VAV3: variants seen among roughly 807,000 people sequenced by gnomAD.
VAV3 encodes the protein guanine nucleotide exchange factor VAV3.
A neutral mutation model predicts 131.2 loss-of-function variants in VAV3; 94 were observed. The ratio of observed to expected loss-of-function variants is 0.72; its 90% CI spans 0.61 to 0.85. VAV3 has a LOEUF of 0.85. VAV3 is among the 40% of genes least tolerant of loss of function. The pLI, the probability that VAV3 is intolerant of heterozygous loss-of-function variation, is 0.00. For synonymous variants in VAV3, 349 were observed against 342.0 expected, an observed-to-expected ratio of 1.02 and a Z score of -0.22; for missense variants, 939 against 1,002.7, an observed-to-expected ratio of 0.94 and a Z score of 0.86.
chr1:107,685,758 GATC>G (rs941597492), intron 18 of VAV3: 20 of 152,172 alleles, frequency 1.3e-4, no homozygotes, highest in African/African-American at 4.8e-4. Flanking sequence ...ATGTTCAGCA[GATC>G]ATATTTTGAA....
At chr1:107,754,115 C>A (rs139337396) in intron 12 of VAV3, among the ~76,000 whole-genome samples, 60 of 152,090 alleles carry the variant, frequency 3.9e-4, no homozygotes, top group African/African-American at 1.3e-3. Flanking sequence ...GTAAAGTTTA[C>A]GGGCAGTTAT....
intron 8 of VAV3, among the ~76,000 whole-genome samples, chr1:107,765,417 A>G (rs1664683641): frequency 6.6e-6 from 1 of 152,240 alleles, no homozygotes; most frequent in Non-Finnish European, 1.5e-5. Context: ...TTTTTATAGC[A>G]GGCAGAATTT....
intron 1 of VAV3, among the ~76,000 whole-genome samples, chr1:107,895,140 G>C (rs560971620): frequency 6.6e-6 from 1 of 152,130 alleles, no homozygotes; most frequent in Non-Finnish European, 1.5e-5. Context: ...AAAGAGCTAT[G>C]GGAAGCAGGA....
intron 2 of VAV3, among the ~76,000 whole-genome samples, chr1:107,787,595 G>A (rs933116199): frequency 6.6e-6 from 1 of 152,176 alleles, no homozygotes; most frequent in Non-Finnish European, 1.5e-5. Flanking sequence ...GGGCAAGAAT[G>A]ACCAGTCTCT....
chr1:107,925,887 T>C (rs1434240827), intron 1 of VAV3, among the ~76,000 whole-genome samples: 1 of 99,908 alleles, frequency 1.0e-5, no homozygotes, highest in Non-Finnish European at 2.0e-5. Context: ...CATATAAATA[T>C]ATAACATATA....
intron 2 of VAV3, among the ~76,000 whole-genome samples, chr1:107,845,502 C>T (rs566084688): frequency 3.3e-5 from 5 of 152,024 alleles, no homozygotes; most frequent in African/African-American, 4.8e-5. Context: ...AAAACTCCTG[C>T]GAACTAAAGA....
chr1:107,881,094 G>T (rs1288731661), intron 1 of VAV3, among the ~76,000 whole-genome samples: 1 of 152,084 alleles, frequency 6.6e-6, no homozygotes, highest in Non-Finnish European at 1.5e-5. Context: ...TAACTACTAT[G>T]TTATATTAAC....
intron 2 of VAV3, among the ~76,000 whole-genome samples, chr1:107,835,521 G>A (rs1276469363): frequency 6.6e-6 from 1 of 152,168 alleles, no homozygotes; most frequent in Non-Finnish European, 1.5e-5. Context: ...GCTGGTCTGG[G>A]AACAGTGTGG....
chr1:107,871,684 A>T (rs1291996194), intron 2 of VAV3, among the ~76,000 whole-genome samples: 2 of 152,184 alleles, frequency 1.3e-5, no homozygotes, highest in African/African-American at 4.8e-5. Context: ...ACCATCTCAC[A>T]AAATACAAAT....
intron 2 of VAV3, among the ~76,000 whole-genome samples, chr1:107,800,631 C>T (rs1666784414): frequency 6.6e-6 from 1 of 152,158 alleles, no homozygotes; most frequent in African/African-American, 2.4e-5. Flanking sequence ...GATCCCACCA[C>T]CCAGGTAGTG....
At chr1:107,772,200 A>G (rs1468194775) in intron 5 of VAV3, among the ~76,000 whole-genome samples, 1 of 152,252 alleles carries the variant, frequency 6.6e-6, no homozygotes, top group Non-Finnish European at 1.5e-5. Context: ...TTAATAGCAG[A>G]TAAGGTTTTG....
intron 2 of VAV3, among the ~76,000 whole-genome samples, chr1:107,853,606 G>A (rs1266807447): frequency 6.6e-6 from 1 of 151,514 alleles, no homozygotes; most frequent in Non-Finnish European, 1.5e-5. Flanking sequence ...TTATAGTGCT[G>A]CAAGTTCTTT....
At chr1:107,617,922 A>C (rs1021834655) in intron 20 of VAV3, among the ~76,000 whole-genome samples, 4 of 152,138 alleles carry the variant, frequency 2.6e-5, no homozygotes, top group Non-Finnish European at 5.9e-5. Context: ...ATCCTATAGC[A>C]CAGTGGACAC....
rs1553224090 is a variant in VAV3 at position 107,874,947 on chromosome 1, T to C, written c.275A>G (p.Glu92Gly). The C allele has an allele frequency of 1.9e-6, 3 of 1,613,424 alleles. No individual in the cohort carries two copies. The highest frequency in any genetic ancestry group is 1.1e-5 in the South Asian group (1 of 91,074). ...CCETFGMRKSELFEAFDLFDV... is the reference protein window; with the variant it reads ...CCETFGMRKSGLFEAFDLFDV... ...AAACAAGTCAAATGCCTCGAAAAGT[T>C]CACTTTTCCTCATTCCAAACGTCTC... Residue 92 changes from glutamate to glycine, a missense_variant, in exon 2 of 27, where the codon GAA becomes GGA. Coordinates refer to ENST00000370056, the MANE Select transcript of VAV3 (RefSeq NM_006113.5).
chr1:107,682,283 A>T (rs1361333986), intron 19 of VAV3, among the ~76,000 whole-genome samples: 1 of 152,222 alleles, frequency 6.6e-6, no homozygotes, highest in Admixed American at 6.6e-5. Context: ...GAAAAAATAC[A>T]TTAAAAAAAT....
At chr1:107,695,260 G>A (rs999420916) in intron 17 of VAV3, among the ~76,000 whole-genome samples, 2 of 152,142 alleles carry the variant, frequency 1.3e-5, no homozygotes, top group African/African-American at 4.8e-5. Context: ...GTAAAGTACA[G>A]TATGTGAAAG....
intron 20 of VAV3, among the ~76,000 whole-genome samples, chr1:107,623,483 T>C (rs1392651797): frequency 6.6e-6 from 1 of 152,232 alleles, no homozygotes; most frequent in Non-Finnish European, 1.5e-5. Flanking sequence ...GTAAACTTGC[T>C]AAGCCGCAAG....
intron 24 of VAV3, 104 bp downstream of exon 24, chr1:107,602,293 A>G: frequency 1.3e-6 from 1 of 745,678 alleles, no homozygotes; most frequent in Non-Finnish European, 2.0e-6. Context: ...TCTTTAAATA[A>G]CTTTTCAGTG....
At chr1:107,705,354 GAAAAAAA>G (rs376720993) in intron 15 of VAV3, among the ~76,000 whole-genome samples, 1 of 129,438 alleles carries the variant, frequency 7.7e-6, no homozygotes, top group Non-Finnish European at 1.6e-5. Flanking sequence ...AACCTGCCTG[GAAAAAAA>G]AAAAAAAAAA....
Sources: allele counts gnomAD v4.1 joint callset (sites outside exome capture counted in the v4.1 genomes callset), GRCh38; gene constraint gnomAD v4.1.1; transcripts MANE v1.5; gene names NCBI Gene and HGNC (gene_info 2026-07-23, HGNC 2026-07-21).